The following MYO5B variants were observed in gnomAD, a reference collection of about 807,000 sequenced individuals.
MYO5B encodes myosin VB.
MYO5B carries 143 observed loss-of-function variants against 229.3 expected under a neutral mutation model. The observed-to-expected ratio is 0.62, with a 90% confidence interval of 0.54 to 0.72. The LOEUF is 0.72. Among genes scored for constraint, MYO5B ranks in the 30% least tolerant of loss-of-function variants. The probability of loss-of-function intolerance (pLI) is 0.00; values close to 1 mark genes in which losing one functional copy is unlikely to be tolerated. For missense variants in MYO5B, 2,321 were observed against 2,331.0 expected, an observed-to-expected ratio of 1.00 and a Z score of 0.09; for synonymous variants, 918 against 885.2, an observed-to-expected ratio of 1.04 and a Z score of -0.66.
At chr18:49,939,588 G>A (rs7244679) in intron 14 of MYO5B, among the ~76,000 whole-genome samples, 29,738 of 152,022 alleles carry the variant, frequency 0.2, 3,667 homozygotes, top group African/African-American at 0.35. Context: ...GGATGTAGGC[G>A]ACTGGGGAGA....
chr18:50,143,265 C>G (rs777421933), intron 1 of MYO5B, among the ~76,000 whole-genome samples: 1 of 152,156 alleles, frequency 6.6e-6, no homozygotes, highest in Non-Finnish European at 1.5e-5. Context: ...ATTTATTTAG[C>G]TGGGAGAAGC....
chr18:50,156,186 G>A (rs1472948409), intron 1 of MYO5B, among the ~76,000 whole-genome samples: 1 of 152,106 alleles, frequency 6.6e-6, no homozygotes, highest in African/African-American at 2.4e-5. Flanking sequence ...CAACTTCTAG[G>A]GAACATCCAG....
chr18:50,119,363 AT>A (rs2032020831), intron 1 of MYO5B, among the ~76,000 whole-genome samples: 1 of 152,128 alleles, frequency 6.6e-6, no homozygotes, highest in African/African-American at 2.4e-5. Flanking sequence ...TCCTCAACAA[AT>A]TCTGTTTTCT....
At chr18:49,892,050 T>G (rs1414368765) in intron 22 of MYO5B, among the ~76,000 whole-genome samples, 2 of 152,106 alleles carry the variant, frequency 1.3e-5, no homozygotes, top group Non-Finnish European at 2.9e-5. Context: ...AGATTCTGAA[T>G]AATGAGCTGT....
intron 21 of MYO5B, among the ~76,000 whole-genome samples, chr18:49,897,528 G>A (rs2024792646): frequency 6.6e-6 from 1 of 152,144 alleles, no homozygotes; most frequent in Non-Finnish European, 1.5e-5. Flanking sequence ...GATATGCAAT[G>A]TGAAATAAGC....
intron 16 of MYO5B, among the ~76,000 whole-genome samples, chr18:49,931,059 A>G (rs991192656): frequency 6.6e-6 from 1 of 152,182 alleles, no homozygotes; most frequent in African/African-American, 2.4e-5. Flanking sequence ...GGGACGAGGA[A>G]CAAATGCTCC....
intron 2 of MYO5B, among the ~76,000 whole-genome samples, chr18:50,049,822 T>C (rs149586398): frequency 9.9e-5 from 15 of 151,626 alleles, no homozygotes; most frequent in Non-Finnish European, 1.5e-4. Flanking sequence ...GGAAAAAAAT[T>C]AGCAGGAAAA....
At chr18:49,840,394 A>G (rs993358176) in intron 35 of MYO5B, 6 of 152,264 alleles carry the variant, frequency 3.9e-5, no homozygotes, top group African/African-American at 1.4e-4. Context: ...GGTTCTTAGG[A>G]GAGAGATGGC....
At chr18:50,009,387 A>G (rs966465428) in intron 4 of MYO5B, among the ~76,000 whole-genome samples, 1 of 152,192 alleles carries the variant, frequency 6.6e-6, no homozygotes, top group Non-Finnish European at 1.5e-5. Flanking sequence ...ATCAACAACA[A>G]CAACAACAAC....
chr18:50,052,492 A>G (rs1298509090), intron 2 of MYO5B, among the ~76,000 whole-genome samples: 1 of 144,098 alleles, frequency 6.9e-6, no homozygotes, highest in Non-Finnish European at 1.5e-5. Flanking sequence ...ACTCATAGAT[A>G]GGAATTGAAC....
At chr18:50,074,819 G>A (rs990505541) in intron 1 of MYO5B, among the ~76,000 whole-genome samples, 11 of 151,894 alleles carry the variant, frequency 7.2e-5, no homozygotes, top group African/African-American at 2.7e-4. Flanking sequence ...GGTTTTTTTG[G>A]GGGTTTTTTT....
At chr18:49,886,767 G>C (rs2024646813) in intron 22 of MYO5B, among the ~76,000 whole-genome samples, 1 of 152,110 alleles carries the variant, frequency 6.6e-6, no homozygotes, top group South Asian at 2.1e-4. Flanking sequence ...CACCGACCGA[G>C]AGTGACGACG....
chr18:49,990,222 T>C (rs996969384), intron 7 of MYO5B, among the ~76,000 whole-genome samples: 2 of 152,220 alleles, frequency 1.3e-5, no homozygotes, highest in Admixed American at 6.5e-5. Context: ...CTGCCTCTTA[T>C]CCTCTCATAC....
In MYO5B at chr18:50,195,033, G is replaced by GGGA. The variant is rs2033284281; in HGVS notation, c.-243_-241dup. The GGGA allele has an allele frequency of 2.5e-6, 1 of 398,886 alleles. No homozygotes were observed. The highest frequency in any genetic ancestry group is 1.3e-4 in the South Asian group (1 of 7,898). The allele number at this position is 398,886 out of a possible 1,614,324, so 24.7% of individuals were successfully genotyped here. A position where few individuals can be genotyped will look rare whatever the true frequency, so the allele number is the denominator to read the frequency against. On this transcript the variant is annotated 5_prime_UTR_variant, in exon 1 of 40. Transcript: ENST00000285039. ...GCCGGACAGGAGTTGCGAGCGCCGG[G>GGGA]GGAGGAGGCCGCGCCGCACCACTCC...
Position 50,015,889 on chromosome 18 carries a change from G to C in MYO5B, c.456-14478C>G, listed in dbSNP as rs1034481266. Reference sequence around the variant, plus strand: ...TGGGATATTTGGTAAGGGCTGATCTGGAACATATTAAGATTCTTGCTGGAA... The same window carrying C: ...TGGGATATTTGGTAAGGGCTGATCTCGAACATATTAAGATTCTTGCTGGAA... On this transcript the variant is annotated intron_variant, in intron 4 of 39. Transcript: ENST00000285039. Among the ~76,000 whole-genome samples the C allele has an allele frequency of 7.9e-5, 12 of 152,198 alleles. 1 individual carries two copies.
chr18:49,879,237 A>T (rs1255607661), intron 23 of MYO5B, 147 bp from the exon 24 acceptor site: 2 of 887,938 alleles, frequency 2.3e-6, no homozygotes, highest in African/African-American at 1.6e-5. Context: ...CTCCTCACCT[A>T]CTGCAGAGCA....
intron 1 of MYO5B, among the ~76,000 whole-genome samples, chr18:50,149,961 A>G (rs1599058903): frequency 6.9e-6 from 1 of 145,796 alleles, no homozygotes; most frequent in Admixed American, 6.8e-5. Context: ...TCCAGAATCT[A>G]CAATGAACTC....
intron 1 of MYO5B, among the ~76,000 whole-genome samples, chr18:50,090,106 C>T (rs1293344096): frequency 6.6e-6 from 1 of 152,144 alleles, no homozygotes; most frequent in Non-Finnish European, 1.5e-5. Flanking sequence ...GGAGCTTCCT[C>T]CTTGCCTATT....
intron 21 of MYO5B, among the ~76,000 whole-genome samples, chr18:49,896,085 C>T (rs989612587): frequency 6.6e-6 from 1 of 152,176 alleles, no homozygotes; most frequent in Non-Finnish European, 1.5e-5. Context: ...TAAGCTGGAG[C>T]ATCAGGAATC....
Sources: allele counts gnomAD v4.1 joint callset (sites outside exome capture counted in the v4.1 genomes callset), GRCh38; gene constraint gnomAD v4.1.1; transcripts MANE v1.5; gene names NCBI Gene and HGNC (gene_info 2026-07-23, HGNC 2026-07-21).